Variants in EBF2 observed in about 807,000 individuals in gnomAD.
The protein encoded by EBF2 is transcription factor COE2.
Under a neutral mutation model 72.8 loss-of-function variants are expected in EBF2, and 21 were observed. That is an observed-to-expected ratio of 0.29 (90% CI 0.20 to 0.42). EBF2 has a LOEUF of 0.42. Ranked by LOEUF, EBF2 falls within the 10% of genes least tolerant of loss-of-function variation. The pLI is 1.00. For synonymous variants in EBF2, 299 were observed against 274.2 expected (o/e 1.09, Z -0.89); for missense variants, 637 against 731.2 (o/e 0.87, Z 1.49).
intron 6 of EBF2, among the ~76,000 whole-genome samples, chr8:25,929,852 G>T (rs1460692478): frequency 6.6e-6 from 1 of 152,148 alleles, no homozygotes; most frequent in Non-Finnish European, 1.5e-5. Context: ...GGTAGAAAGG[G>T]CTAAGGTTTA....
intron 6 of EBF2, among the ~76,000 whole-genome samples, chr8:25,992,764 C>G (rs1000639020): frequency 6.6e-6 from 1 of 151,738 alleles, no homozygotes; most frequent in Non-Finnish European, 1.5e-5. Context: ...ATTAGCAGGG[C>G]TTGGTGGCAC....
chr8:25,923,501 C>T (rs547548687), intron 6 of EBF2, among the ~76,000 whole-genome samples: 36 of 152,292 alleles, frequency 2.4e-4, no homozygotes, highest in African/African-American at 8.4e-4. Flanking sequence ...GGCAATGATT[C>T]TATTGTAAAT....
intron 6 of EBF2, among the ~76,000 whole-genome samples, chr8:25,983,112 G>T (rs557649535): frequency 6.6e-6 from 1 of 152,170 alleles, no homozygotes; most frequent in East Asian, 1.9e-4. Context: ...TCAAATCACA[G>T]CATTTTTACA....
intron 7 of EBF2, among the ~76,000 whole-genome samples, chr8:25,895,656 C>G (rs985752050): frequency 6.6e-6 from 1 of 152,200 alleles, no homozygotes; most frequent in Non-Finnish European, 1.5e-5. Context: ...ATGTCCCTCA[C>G]TCCAATAATT....
chr8:25,974,733 C>G (rs1804241653), intron 6 of EBF2, among the ~76,000 whole-genome samples: 1 of 152,156 alleles, frequency 6.6e-6, no homozygotes, highest in Admixed American at 6.5e-5. Context: ...TTCCTTCCTG[C>G]CAAACTCCCC....
rs370903857 is a variant in EBF2 at position 25,860,135 on chromosome 8, C to T, written c.1342+914G>A. Among the ~76,000 whole-genome samples the T allele has an allele frequency of 1.4e-4, 22 of 152,268 alleles. No homozygotes were observed. In the East Asian group the frequency reaches 2.3e-3, roughly 16 times the overall value. On this transcript the variant is annotated intron_variant, in intron 13 of 15. Transcript: ENST00000520164. ...AGGACCTCATTAGGAACATTTACTC[C>T]TTTTAAAAATGATTCGTGACAGATT...
chr8:25,873,059 C>T (rs184962609), intron 10 of EBF2, among the ~76,000 whole-genome samples: 13 of 152,328 alleles, frequency 8.5e-5, no homozygotes, highest in Non-Finnish European at 1.6e-4. Context: ...CTTCCAATTT[C>T]CTTGTCTATT....
chr8:25,908,951 C>T lies in EBF2; in HGVS notation c.552-396G>A, dbSNP rs1275236281. Among the ~76,000 whole-genome samples, 9 of 152,276 alleles carry T rather than the reference C, an allele frequency of 5.9e-5. No homozygotes were observed. In the East Asian group the frequency reaches 1.7e-3, roughly 29 times the overall value. On this transcript the variant is annotated intron_variant, in intron 6 of 15. Transcript: ENST00000520164. ...AGGACCCGGCCCCAGAATCCCAGGG[C>T]GTCTCGTCTGTGTGGCTCTCCACTG...
chr8:26,038,308 G>A (rs1157703985), intron 5 of EBF2, among the ~76,000 whole-genome samples: 1 of 152,168 alleles, frequency 6.6e-6, no homozygotes, highest in Non-Finnish European at 1.5e-5. Context: ...CCAATGCAGA[G>A]AAGTTACAGT....
chr8:25,844,452 C>T lies in EBF2; in HGVS notation c.*157G>A, dbSNP rs115640479. On this transcript the variant is annotated 3_prime_UTR_variant, in exon 16 of 16. Transcript: ENST00000520164. ...AGCCACCATCAGAGCTATAGGAGGA[C>T]GTGGGACCAAGTAAGATGCTGGCTC... 1.5e-5 allele frequency: 11 copies of T among 728,166 alleles called. No homozygotes were observed. The highest frequency in any genetic ancestry group is 7.0e-5 in the Admixed American group (3 of 42,834). 45.1% of individuals were successfully genotyped at this position (728,166 alleles called of 1,614,324 possible). A position where few individuals can be genotyped will look rare whatever the true frequency, so the allele number is the denominator to read the frequency against.
At chr8:25,899,844 C>T (rs531152610) in intron 7 of EBF2, among the ~76,000 whole-genome samples, 2 of 140,166 alleles carry the variant, frequency 1.4e-5, no homozygotes, top group African/African-American at 4.9e-5. Flanking sequence ...CGAGGCCTCT[C>T]ACATGATCCA....
intron 14 of EBF2, among the ~76,000 whole-genome samples, chr8:25,852,826 A>G (rs1459696556): frequency 1.3e-5 from 2 of 151,972 alleles, no homozygotes; most frequent in Non-Finnish European, 2.9e-5. Context: ...GGCAAACACA[A>G]TTACTATGTT....
intron 6 of EBF2, among the ~76,000 whole-genome samples, chr8:25,954,542 C>T (rs2117172302): frequency 6.6e-6 from 1 of 152,332 alleles, no homozygotes; most frequent in Admixed American, 6.5e-5. Flanking sequence ...CTAAGAAAAA[C>T]AAAATTCACA....
chr8:25,908,680 C>T (rs1190335964), intron 6 of EBF2, 125 bp from the exon 7 acceptor site: 1 of 704,324 alleles, frequency 1.4e-6, no homozygotes, highest in African/African-American at 1.8e-5. Flanking sequence ...TCAACCTGCC[C>T]TGCCTGTGAA....
intron 6 of EBF2, among the ~76,000 whole-genome samples, chr8:26,005,059 T>G (rs564873311): frequency 2.7e-5 from 4 of 149,872 alleles, no homozygotes; most frequent in Non-Finnish European, 5.9e-5. Flanking sequence ...AAGAACCACT[T>G]GCCCAGAAAC....
intron 6 of EBF2, among the ~76,000 whole-genome samples, chr8:26,013,509 C>T (rs1805060486): frequency 6.6e-6 from 1 of 152,164 alleles, no homozygotes; most frequent in Admixed American, 6.5e-5. Context: ...TCTTTTCCCT[C>T]CATCCTGCAA....
chr8:25,900,836 T>A (rs999650066), intron 7 of EBF2, among the ~76,000 whole-genome samples: 4 of 151,716 alleles, frequency 2.6e-5, no homozygotes. Flanking sequence ...AAAAAATGAT[T>A]AGGCAGGATG....
intron 6 of EBF2, among the ~76,000 whole-genome samples, chr8:25,986,010 A>AAAAAAAC: frequency 6.7e-6 from 1 of 148,572 alleles, no homozygotes; most frequent in Non-Finnish European, 1.5e-5. Context: ...TCAAAAAAAA[A>AAAAAAAC]AAAAAAAAAA....
chr8:25,913,767 C>T (rs1346028375), intron 6 of EBF2, among the ~76,000 whole-genome samples: 2 of 152,150 alleles, frequency 1.3e-5, no homozygotes, highest in Admixed American at 6.5e-5. Flanking sequence ...CTGAGTCAAA[C>T]GTACAGTTGA....
Sources: allele counts gnomAD v4.1 joint callset (sites outside exome capture counted in the v4.1 genomes callset), GRCh38; gene constraint gnomAD v4.1.1; transcripts MANE v1.5; gene names NCBI Gene and HGNC (gene_info 2026-07-23, HGNC 2026-07-21).